The following KLHL29 variants were observed in gnomAD, a reference collection of about 807,000 sequenced individuals.
KLHL29 encodes kelch-like protein 29.
A neutral mutation model predicts 80.4 loss-of-function variants in KLHL29; 21 were observed. The ratio of observed to expected loss-of-function variants is 0.26; its 90% CI spans 0.19 to 0.38. The LOEUF is 0.38. Among genes scored for constraint, KLHL29 ranks in the 10% least tolerant of loss-of-function variants. The pLI, the probability that KLHL29 is intolerant of heterozygous loss-of-function variation, is 1.00. For missense variants in KLHL29, 867 were observed against 1,223.9 expected (o/e 0.71, Z 4.35); for synonymous variants, 511 against 526.8 (o/e 0.97, Z 0.41).
intron 3 of KLHL29, among the ~76,000 whole-genome samples, chr2:23,631,307 A>G (rs1020032399): frequency 6.6e-6 from 1 of 152,190 alleles, no homozygotes; most frequent in Non-Finnish European, 1.5e-5. Flanking sequence ...CTGAATATAT[A>G]TTTTAAAGGA....
chr2:23,616,970 A>G (rs1233883642), intron 3 of KLHL29: 1 of 152,254 alleles, frequency 6.6e-6, no homozygotes, highest in East Asian at 1.9e-4. Context: ...TGACCGCCGT[A>G]TCGCAGCGTG....
intron 13 of KLHL29, 112 bp from the exon 14 acceptor site, chr2:23,706,369 G>A: frequency 2.6e-6 from 2 of 762,632 alleles, no homozygotes; most frequent in Non-Finnish European, 3.8e-6. Context: ...GATCCCAGAT[G>A]CCTTCTGCAA....
rs148886026 is a variant in KLHL29, at chr2:23,481,699, C to T, written c.-46+6032C>T. On this transcript the variant is annotated intron_variant, in intron 2 of 13. Coordinates refer to ENST00000486442, the MANE Select transcript of KLHL29 (RefSeq NM_052920.2). Reference sequence around the variant, plus strand: ...GAGAGGCCGAGGCAGGCAGATCATCCGAGGTCAGGAGTTCGAGACCAGCCT... The same window carrying T: ...GAGAGGCCGAGGCAGGCAGATCATCTGAGGTCAGGAGTTCGAGACCAGCCT... Among the ~76,000 whole-genome samples, 1,025 of 152,222 alleles carry T rather than the reference C, an allele frequency of 6.7e-3. 6 individuals carry two copies. The highest frequency in any genetic ancestry group is 0.011 in the Non-Finnish European group (759 of 68,018).
chr2:23,432,574 A>G (rs1663212791), intron 1 of KLHL29, among the ~76,000 whole-genome samples: 2 of 152,252 alleles, frequency 1.3e-5, no homozygotes, highest in African/African-American at 4.8e-5. Context: ...TTAAAAGACC[A>G]TTGCAGATTG....
chr2:23,598,887 CTCTTCGGCCCCAGAA>C (rs1668496248), intron 3 of KLHL29, among the ~76,000 whole-genome samples: 1 of 152,194 alleles, frequency 6.6e-6, no homozygotes. Context: ...AGGGGTGGCC[CTCTTCGGCCCCAGAA>C]GGCTGGGGGT....
chr2:23,487,499 C>T (rs558806465), intron 2 of KLHL29, among the ~76,000 whole-genome samples: 1 of 152,304 alleles, frequency 6.6e-6, no homozygotes, highest in South Asian at 2.1e-4. Context: ...TCTGGGAACC[C>T]TGGCTGCATG....
At chr2:23,629,131 G>A (rs1204419444) in intron 3 of KLHL29, among the ~76,000 whole-genome samples, 1 of 152,238 alleles carries the variant, frequency 6.6e-6, no homozygotes, top group Non-Finnish European at 1.5e-5. Context: ...TGTTGGGGGA[G>A]CGGTGCGGAC....
intron 3 of KLHL29, among the ~76,000 whole-genome samples, chr2:23,629,235 C>T (rs1287760889): frequency 1.3e-5 from 2 of 151,730 alleles, no homozygotes; most frequent in Admixed American, 1.3e-4. Context: ...GCCACTGGCT[C>T]CCGCACATCA....
intron 3 of KLHL29, among the ~76,000 whole-genome samples, chr2:23,632,551 C>T (rs1049182758): frequency 3.3e-5 from 5 of 152,224 alleles, no homozygotes; most frequent in African/African-American, 1.2e-4. Flanking sequence ...CCCAGTGATG[C>T]CCCCCTCCTG....
chr2:23,546,269 C>T (rs1367908772), intron 2 of KLHL29, among the ~76,000 whole-genome samples: 1 of 152,120 alleles, frequency 6.6e-6, no homozygotes, highest in Non-Finnish European at 1.5e-5. Context: ...GTGGCCAATG[C>T]AGTGTGTTTT....
chr2:23,491,077 C>A (rs1387915401), intron 2 of KLHL29, among the ~76,000 whole-genome samples: 1 of 152,096 alleles, frequency 6.6e-6, no homozygotes, highest in Non-Finnish European at 1.5e-5. Flanking sequence ...AGGTTTTAAG[C>A]CCTGCATGCG....
chr2:23,506,937 G>C (rs1365293971), intron 2 of KLHL29: 1 of 204,370 alleles, frequency 4.9e-6, no homozygotes, highest in African/African-American at 2.3e-5. Flanking sequence ...TTCCCAGAGT[G>C]AGATTTGGGA....
At chr2:23,449,553 G>T (rs1003218332) in intron 1 of KLHL29, among the ~76,000 whole-genome samples, 1 of 152,100 alleles carries the variant, frequency 6.6e-6, no homozygotes, top group Non-Finnish European at 1.5e-5. Context: ...TAAGTAGGCT[G>T]GTTTCTCATC....
intron 1 of KLHL29, among the ~76,000 whole-genome samples, chr2:23,427,684 T>A (rs1287434379): frequency 6.6e-6 from 1 of 152,228 alleles, no homozygotes; most frequent in Admixed American, 6.5e-5. Flanking sequence ...CTAAACATAG[T>A]AATTTTGGGG....
intron 3 of KLHL29, among the ~76,000 whole-genome samples, chr2:23,567,983 A>C (rs968919593): frequency 1.1e-4 from 16 of 152,330 alleles, no homozygotes; most frequent in Admixed American, 7.8e-4. Flanking sequence ...CTTAAGTCGC[A>C]ATTACAGTTT....
At chr2:23,494,204 A>T (rs1665188944) in intron 2 of KLHL29, among the ~76,000 whole-genome samples, 1 of 152,238 alleles carries the variant, frequency 6.6e-6, no homozygotes, top group South Asian at 2.1e-4. Flanking sequence ...GATTGTACTG[A>T]GGCTCTTTCT....
chr2:23,507,053 C>T (rs72848095), intron 2 of KLHL29: 4,419 of 413,178 alleles, frequency 0.011, 167 homozygotes, highest in African/African-American at 0.081. Context: ...AGACTGCAGC[C>T]GACCCTGGGG....
chr2:23,511,083 G>C (rs557808068), intron 2 of KLHL29, among the ~76,000 whole-genome samples: 6 of 152,188 alleles, frequency 3.9e-5, no homozygotes, highest in Non-Finnish European at 7.4e-5. Flanking sequence ...AGAAGTCCAA[G>C]ATGAAGCTGT....
At position 23,695,815 on chromosome 2, in the gene KLHL29, T is replaced by G; in HGVS notation, c.1735T>G (p.Ser579Ala). Residue 579 changes from serine to alanine, a missense_variant, in exon 9 of 14, where the codon TCT becomes GCT. Transcript: ENST00000486442. The surrounding 1 kb of genome is among the most constrained non-coding windows in gnomAD (Gnocchi z 7.6). Reference protein sequence around the residue: ...MQTPRTRPRLSAGVAEVIVLV... With the variant: ...MQTPRTRPRLAAGVAEVIVLV... Reference sequence around the variant, plus strand: ...GACGCCCCGAACCCGGCCGCGCCTCTCTGCAGGTATGAAGGGGCACGCCCC... The same window carrying G: ...GACGCCCCGAACCCGGCCGCGCCTCGCTGCAGGTATGAAGGGGCACGCCCC... The G allele has an allele frequency of 6.5e-7, 1 of 1,548,480 alleles. No homozygotes were observed. Among genetic ancestry groups the G allele is most frequent in the Non-Finnish European group, 8.7e-7 (1 of 1,146,148 alleles).
Sources: allele counts gnomAD v4.1 joint callset (sites outside exome capture counted in the v4.1 genomes callset), GRCh38; gene constraint gnomAD v4.1.1; non-coding constraint Gnocchi (gnomAD v3.1); transcripts MANE v1.5; gene names NCBI Gene and HGNC (gene_info 2026-07-23, HGNC 2026-07-21).